Variants in RYR3 observed in about 807,000 individuals in gnomAD.
RYR3 encodes brain ryanodine receptor-calcium release channel.
A neutral mutation model predicts 584.3 loss-of-function variants in RYR3; 207 were observed. The observed-to-expected ratio is 0.35, with a 90% CI of 0.32 to 0.40. The LOEUF (loss-of-function observed/expected upper bound fraction) is 0.40, where lower values mean the gene tolerates loss of function less well. Ranked by LOEUF, RYR3 falls within the 10% of genes least tolerant of loss-of-function variation. The pLI is 1.00. For missense variants in RYR3, 5,616 were observed against 6,089.2 expected (o/e 0.92, Z 2.59); for synonymous variants, 2,416 against 2,248.5 (o/e 1.07, Z -2.11).
At chr15:33,566,949 CAT>C (rs1244115170) in intron 12 of RYR3, 150 bp downstream of exon 12, 2 of 928,436 alleles carry the variant, frequency 2.2e-6, no homozygotes, top group African/African-American at 3.3e-5. Flanking sequence ...GAGACTGAAA[CAT>C]ATTTCCTACA....
At chr15:33,544,732 G>A (rs2056106761) in intron 8 of RYR3, among the ~76,000 whole-genome samples, 1 of 152,074 alleles carries the variant, frequency 6.6e-6, no homozygotes, top group Non-Finnish European at 1.5e-5. Flanking sequence ...CTTCCTACTT[G>A]CTATCTACTC....
intron 2 of RYR3, 133 bp downstream of exon 2, chr15:33,473,671 G>T (rs1195479807): frequency 2.2e-6 from 2 of 916,214 alleles, no homozygotes; most frequent in Non-Finnish European, 3.3e-6. Flanking sequence ...ATGGGAAGCA[G>T]ATCTGGTTTA....
chr15:33,522,614 G>A (rs552417526), intron 3 of RYR3, among the ~76,000 whole-genome samples: 1 of 152,324 alleles, frequency 6.6e-6, no homozygotes, highest in African/African-American at 2.4e-5. Context: ...TCTTTGTTCA[G>A]CTCAGGAGAA....
chr15:33,572,186 A>G (rs1387578133), intron 12 of RYR3, among the ~76,000 whole-genome samples: 2 of 152,170 alleles, frequency 1.3e-5, no homozygotes, highest in Non-Finnish European at 2.9e-5. Context: ...TTTTTTGAAT[A>G]AATTACAGGA....
chr15:33,376,991 T>C (rs2040799783), intron 1 of RYR3, among the ~76,000 whole-genome samples: 1 of 152,216 alleles, frequency 6.6e-6, no homozygotes, highest in Non-Finnish European at 1.5e-5. Flanking sequence ...GATCTATCCT[T>C]ATATGAGGCA....
At chr15:33,556,412 T>C (rs1221189357) in intron 10 of RYR3, among the ~76,000 whole-genome samples, 2 of 152,188 alleles carry the variant, frequency 1.3e-5, no homozygotes, top group South Asian at 2.1e-4. Flanking sequence ...CACTAGCTTT[T>C]CCCAAGAGGC....
intron 47 of RYR3, among the ~76,000 whole-genome samples, chr15:33,730,667 A>T (rs2068871077): frequency 6.6e-6 from 1 of 152,238 alleles, no homozygotes. Flanking sequence ...GTGGATCTCA[A>T]GGTTTCTTTC....
At chr15:33,387,482 C>T (rs1017561769) in intron 1 of RYR3, among the ~76,000 whole-genome samples, 7 of 152,138 alleles carry the variant, frequency 4.6e-5, no homozygotes, top group African/African-American at 1.7e-4. Context: ...TGCACATCCT[C>T]ACCAACACTT....
At chr15:33,382,382 G>A (rs1003904788) in intron 1 of RYR3, among the ~76,000 whole-genome samples, 3 of 133,610 alleles carry the variant, frequency 2.2e-5, no homozygotes, top group Non-Finnish European at 4.5e-5. Flanking sequence ...GGAGTACAGT[G>A]GCACAGTCTT....
chr15:33,863,239 A>G (rs1450384618), intron 102 of RYR3, among the ~76,000 whole-genome samples: 1 of 152,220 alleles, frequency 6.6e-6, no homozygotes, highest in Non-Finnish European at 1.5e-5. Flanking sequence ...TGTGCTGGGC[A>G]AGGAATGATG....
intron 1 of RYR3, among the ~76,000 whole-genome samples, chr15:33,369,346 C>A (rs928978804): frequency 6.6e-6 from 1 of 152,172 alleles, no homozygotes; most frequent in African/African-American, 2.4e-5. Context: ...ATTGGCACTC[C>A]TCCACCAAAT....
chr15:33,826,168 A>T, intron 82 of RYR3, 84 bp from the exon 83 acceptor site: 1 of 1,347,694 alleles, frequency 7.4e-7, no homozygotes, highest in Non-Finnish European at 1.1e-6. Context: ...ATGTGTTCAC[A>T]TAGCCAGTTT....
intron 2 of RYR3, among the ~76,000 whole-genome samples, chr15:33,488,514 G>T (rs930465592): frequency 2.3e-4 from 34 of 146,464 alleles, no homozygotes; most frequent in African/African-American, 8.4e-4. Flanking sequence ...CATGGAAGAA[G>T]AAATAAAATG....
intron 1 of RYR3, among the ~76,000 whole-genome samples, chr15:33,349,379 A>G (rs543601834): frequency 5.9e-5 from 9 of 152,250 alleles, no homozygotes; most frequent in East Asian, 3.9e-4. Flanking sequence ...TGGCTGCACC[A>G]TTTTGAGTTC....
rs201914506 is a variant in RYR3, at chr15:33,750,015, A to G, written c.8236A>G (p.Ile2746Val). The G allele has an allele frequency of 3.0e-4, 485 of 1,612,508 alleles. No homozygotes were observed. Among genetic ancestry groups the G allele is most frequent in the Non-Finnish European group, 3.0e-4 (359 of 1,179,486 alleles). Residue 2746 changes from isoleucine to valine, a missense_variant, in exon 56 of 104, where the codon ATC (isoleucine) becomes GTC (valine). By Grantham distance (29) the Ile-to-Val change is conservative. Coordinates refer to ENST00000634891, the MANE Select transcript of RYR3 (RefSeq NM_001036.6). Reference sequence around the variant, plus strand: ...GGTCGTGGCTGAGAACTATCACAATATCTGGGCCAAGAAGAAGAAGCTGGA... The same window carrying G: ...GGTCGTGGCTGAGAACTATCACAATGTCTGGGCCAAGAAGAAGAAGCTGGA... ...VEVVAENYHN[I>V]WAKKKKLELE... is the part of the protein sequence containing the mutation.
chr15:33,472,497 C>T (rs1207158718), intron 1 of RYR3, among the ~76,000 whole-genome samples: 1 of 152,138 alleles, frequency 6.6e-6, no homozygotes, highest in Non-Finnish European at 1.5e-5. Flanking sequence ...CCAGCTGGCT[C>T]CCCCAGGTCA....
intron 52 of RYR3, among the ~76,000 whole-genome samples, chr15:33,745,239 T>C (rs1451263678): frequency 1.3e-5 from 2 of 151,928 alleles, no homozygotes; most frequent in Non-Finnish European, 2.9e-5. Flanking sequence ...GAGAAGTAAT[T>C]TGAGGGGTGC....
intron 3 of RYR3, among the ~76,000 whole-genome samples, chr15:33,522,387 C>G (rs1431233023): frequency 2.6e-5 from 4 of 152,164 alleles, no homozygotes; most frequent in Admixed American, 1.3e-4. Flanking sequence ...ACTGCTCTGG[C>G]TGAGTTGGTC....
chr15:33,786,855 G>A (rs1261655749), intron 66 of RYR3, among the ~76,000 whole-genome samples: 1 of 152,156 alleles, frequency 6.6e-6, no homozygotes, highest in Non-Finnish European at 1.5e-5. Flanking sequence ...TCCTTCTGCA[G>A]GACCAAGGAA....
Sources: gnomAD v4.1 joint callset for allele counts (sites outside exome capture counted in the v4.1 genomes callset) on GRCh38, gnomAD v4.1.1 for gene constraint, MANE v1.5 for transcripts, NCBI Gene and HGNC (gene_info 2026-07-23, HGNC 2026-07-21) for gene names.